NTN1: variants seen among roughly 807,000 people sequenced by gnomAD.
NTN1 encodes netrin-1.
Under a neutral mutation model 54.2 loss-of-function variants are expected in NTN1, and 11 were observed. The observed-to-expected ratio is 0.20, with a 90% CI of 0.13 to 0.34. NTN1 has a LOEUF of 0.34. Ranked by LOEUF, NTN1 falls within the 10% of genes least tolerant of loss-of-function variation. The probability of loss-of-function intolerance (pLI) is 1.00; values close to 1 mark genes in which losing one functional copy is unlikely to be tolerated. For missense variants in NTN1, 740 were observed against 893.1 expected (o/e 0.83, Z 2.18); for synonymous variants, 371 against 382.0 (o/e 0.97, Z 0.33).
chr17:9,186,267 C>T (rs1459098548), intron 5 of NTN1, among the ~76,000 whole-genome samples: 5 of 152,224 alleles, frequency 3.3e-5, no homozygotes, highest in African/African-American at 1.2e-4. Context: ...GACTGGCCCT[C>T]AGAGCCCTTG....
upstream of NTN1, among the ~76,000 whole-genome samples, chr17:9,018,970 C>T (rs2091837719): frequency 6.6e-6 from 1 of 152,156 alleles, no homozygotes; most frequent in African/African-American, 2.4e-5. Flanking sequence ...GATTTTAGTA[C>T]CAAGAATAGT....
chr17:9,129,208 G>C (rs1039069838), intron 2 of NTN1, among the ~76,000 whole-genome samples: 4 of 152,130 alleles, frequency 2.6e-5, no homozygotes, highest in Admixed American at 2.6e-4. Context: ...TTTAGAGGGG[G>C]TCTGCTGGGG....
chr17:9,239,990 G>T lies in NTN1; in HGVS notation c.*22G>T. The T allele has an allele frequency of 2.6e-6, 2 of 769,300 alleles. No individual in the cohort carries two copies. Among genetic ancestry groups the T allele is most frequent in the South Asian group, 2.7e-5 (1 of 36,698 alleles). The allele number at this position is 769,300 out of a possible 1,614,324, so 47.7% of individuals were successfully genotyped here. On this transcript the variant is annotated 3_prime_UTR_variant, in exon 7 of 7. Coordinates refer to ENST00000173229, the MANE Select transcript of NTN1 (RefSeq NM_004822.3). The surrounding 1 kb of genome is among the most constrained non-coding windows in gnomAD (Gnocchi z 5.2). ...CTAGCGCCGAGGCAGCGGGCGGGCGGGCGGGCGGGCGCCAGGGCGGGGCCG... is the reference window on the plus strand; with the variant it reads ...CTAGCGCCGAGGCAGCGGGCGGGCGTGCGGGCGGGCGCCAGGGCGGGGCCG...
intron 5 of NTN1, among the ~76,000 whole-genome samples, chr17:9,192,745 G>C (rs1197814859): frequency 1.3e-5 from 2 of 152,182 alleles, no homozygotes; most frequent in African/African-American, 4.8e-5. Flanking sequence ...TCTTTTATTA[G>C]TTATGCACCA....
intron 2 of NTN1, among the ~76,000 whole-genome samples, chr17:9,060,038 A>G (rs2091991581): frequency 6.6e-6 from 1 of 152,160 alleles, no homozygotes; most frequent in Non-Finnish European, 1.5e-5. Context: ...GTACATATCT[A>G]TGCAAAATAC....
chr17:9,052,786 C>T (rs550602518), intron 2 of NTN1, among the ~76,000 whole-genome samples: 1 of 152,292 alleles, frequency 6.6e-6, no homozygotes, highest in East Asian at 1.9e-4. Flanking sequence ...TGCTCATAGA[C>T]AGGACTGCAT....
intron 6 of NTN1, among the ~76,000 whole-genome samples, chr17:9,223,286 T>G (rs970739125): frequency 1.3e-5 from 2 of 152,174 alleles, no homozygotes; most frequent in African/African-American, 4.8e-5. Context: ...GTGTGGTGGC[T>G]CACGCCTGTA....
intron 5 of NTN1, among the ~76,000 whole-genome samples, chr17:9,208,440 G>A (rs1342069380): frequency 1.3e-5 from 2 of 152,200 alleles, no homozygotes; most frequent in Non-Finnish European, 2.9e-5. Context: ...TCGCTGAGCA[G>A]TCAGCGGTGA....
At chr17:9,191,052 G>A (rs1379602465) in intron 5 of NTN1, among the ~76,000 whole-genome samples, 2 of 152,196 alleles carry the variant, frequency 1.3e-5, no homozygotes, top group Non-Finnish European at 2.9e-5. Flanking sequence ...TTCAGCATAT[G>A]TCCTTAAATG....
intron 2 of NTN1, among the ~76,000 whole-genome samples, chr17:9,069,624 G>A (rs150790324): frequency 3.1e-4 from 47 of 152,174 alleles, no homozygotes; most frequent in Non-Finnish European, 5.4e-4. Flanking sequence ...TGGAGGCCTC[G>A]CCCTGCCTGC....
intron 2 of NTN1, among the ~76,000 whole-genome samples, chr17:9,074,956 C>T (rs1014500847): frequency 1.3e-5 from 2 of 152,196 alleles, no homozygotes; most frequent in Non-Finnish European, 2.9e-5. Flanking sequence ...TCTTACCCAA[C>T]GGGATGTGTG....
intron 2 of NTN1, among the ~76,000 whole-genome samples, chr17:9,112,201 A>G (rs1224642664): frequency 1.3e-5 from 2 of 152,312 alleles, no homozygotes; most frequent in East Asian, 1.9e-4. Context: ...AGGACAGGAC[A>G]CTCTGTGAAC....
chr17:9,208,805 G>A (rs1236214166), intron 5 of NTN1, among the ~76,000 whole-genome samples: 2 of 152,240 alleles, frequency 1.3e-5, no homozygotes, highest in Non-Finnish European at 2.9e-5. Context: ...CTCTAGGCCT[G>A]TGGCACAGCC....
chr17:9,131,791 C>T (rs1411750803), intron 2 of NTN1, among the ~76,000 whole-genome samples: 1 of 151,328 alleles, frequency 6.6e-6, no homozygotes, highest in African/African-American at 2.4e-5. Context: ...CATGCTGGCC[C>T]TTGATGCTTT....
intron 6 of NTN1, among the ~76,000 whole-genome samples, chr17:9,234,167 G>C (rs1031328640): frequency 3.9e-5 from 6 of 152,194 alleles, no homozygotes. Flanking sequence ...TAGGCAGGGC[G>C]GCAGGTGTGG....
chr17:9,152,167 T>C (rs1393959382), intron 2 of NTN1, among the ~76,000 whole-genome samples: 1 of 152,280 alleles, frequency 6.6e-6, no homozygotes, highest in East Asian at 1.9e-4. Flanking sequence ...CCGTGCCACC[T>C]TTAAGAGCTG....
intron 2 of NTN1, among the ~76,000 whole-genome samples, chr17:9,047,562 C>T (rs183816719): frequency 6.9e-6 from 1 of 145,736 alleles, no homozygotes; most frequent in East Asian, 2.0e-4. Context: ...AGTTCTTTTG[C>T]TGTTTTTACC....
At chr17:9,041,934 GGGAGGT>G (rs2091922933) in intron 2 of NTN1, among the ~76,000 whole-genome samples, 1 of 151,840 alleles carries the variant, frequency 6.6e-6, no homozygotes, top group Non-Finnish European at 1.5e-5. Flanking sequence ...GCTTGAATCC[GGGAGGT>G]GGAGGTTGCT....
At chr17:9,149,260 C>T (rs934538987) in intron 2 of NTN1, among the ~76,000 whole-genome samples, 1 of 150,318 alleles carries the variant, frequency 6.7e-6, no homozygotes, top group Non-Finnish European at 1.5e-5. Context: ...GAACCCCCCC[C>T]ACACCCCCAC....
Sources: allele counts gnomAD v4.1 joint callset (sites outside exome capture counted in the v4.1 genomes callset), GRCh38; gene constraint gnomAD v4.1.1; non-coding constraint Gnocchi (gnomAD v3.1); transcripts MANE v1.5; gene names NCBI Gene and HGNC (gene_info 2026-07-23, HGNC 2026-07-21).